Variants in IQCH observed in about 807,000 individuals in gnomAD.
The protein encoded by IQCH is IQ domain-containing protein H.
Under a neutral mutation model 117.0 loss-of-function variants are expected in IQCH, and 98 were observed. The observed-to-expected ratio is 0.84, with a 90% CI of 0.71 to 0.99. IQCH has a LOEUF of 0.99. IQCH is among the 50% of genes least tolerant of loss of function. The pLI is 0.00. For synonymous variants in IQCH, 412 were observed against 448.2 expected (o/e 0.92, Z 1.02); for missense variants, 1,102 against 1,243.8 (o/e 0.89, Z 1.72).
intron 5 of IQCH, among the ~76,000 whole-genome samples, chr15:67,341,651 T>C (rs1283429825): frequency 1.3e-5 from 2 of 152,194 alleles, no homozygotes; most frequent in Non-Finnish European, 2.9e-5. Context: ...AGGATGATTT[T>C]TTTTAAAAGT....
chr15:67,484,494 G>C (rs1287675447), intron 18 of IQCH, among the ~76,000 whole-genome samples: 1 of 151,158 alleles, frequency 6.6e-6, no homozygotes, highest in Non-Finnish European at 1.5e-5. Context: ...ACTTTGGGAG[G>C]CCAAGGCAGG....
At chr15:67,290,705 T>C (rs1258467127) in intron 4 of IQCH, among the ~76,000 whole-genome samples, 1 of 152,204 alleles carries the variant, frequency 6.6e-6, no homozygotes, top group Admixed American at 6.5e-5. Context: ...GAGATTTTAT[T>C]TTGTAATTTT....
chr15:67,303,647 G>A (rs1015177240), intron 4 of IQCH, among the ~76,000 whole-genome samples: 1 of 152,090 alleles, frequency 6.6e-6, no homozygotes, highest in African/African-American at 2.4e-5. Context: ...CACAGCAGTC[G>A]AGAGGAGAGC....
intron 4 of IQCH, among the ~76,000 whole-genome samples, chr15:67,296,359 G>T (rs536541743): frequency 6.6e-6 from 1 of 152,148 alleles, no homozygotes; most frequent in Non-Finnish European, 1.5e-5. Flanking sequence ...TGGAGAGAGC[G>T]TGTTGTATGT....
chr15:67,402,583 T>C (rs1216784440), intron 14 of IQCH, among the ~76,000 whole-genome samples: 2 of 152,206 alleles, frequency 1.3e-5, no homozygotes, highest in Non-Finnish European at 2.9e-5. Flanking sequence ...CTTTTGATAA[T>C]GAAGATGTTG....
chr15:67,438,936 TAGAC>T (rs1480187188), intron 16 of IQCH, among the ~76,000 whole-genome samples: 1 of 152,176 alleles, frequency 6.6e-6, no homozygotes, highest in Non-Finnish European at 1.5e-5. Context: ...AGAAATAAGA[TAGAC>T]AGCAAAGCAA....
intron 5 of IQCH, 37 bp from the exon 6 acceptor site, chr15:67,344,026 G>A: frequency 1.3e-6 from 2 of 1,586,564 alleles, no homozygotes; most frequent in Non-Finnish European, 1.7e-6. Flanking sequence ...GGAATTGCTT[G>A]GAATTAAACT....
intron 8 of IQCH, among the ~76,000 whole-genome samples, chr15:67,371,120 C>T (rs558449712): frequency 6.6e-6 from 1 of 152,220 alleles, no homozygotes; most frequent in East Asian, 1.9e-4. Context: ...ACAATTATTA[C>T]AGTAAGTTAA....
At chr15:67,346,606 C>G (rs939927529) in intron 6 of IQCH, among the ~76,000 whole-genome samples, 14 of 152,160 alleles carry the variant, frequency 9.2e-5, no homozygotes, top group Non-Finnish European at 1.8e-4. Context: ...CCACTTGCCT[C>G]CTGTTGTGTA....
At chr15:67,324,828 G>A (rs1007430548) in intron 4 of IQCH, among the ~76,000 whole-genome samples, 1 of 151,900 alleles carries the variant, frequency 6.6e-6, no homozygotes, top group African/African-American at 2.4e-5. Flanking sequence ...TTTTCTGGCT[G>A]CTTTCAAGAT....
chr15:67,268,400 AG>A (rs1476218315), intron 3 of IQCH, among the ~76,000 whole-genome samples: 1 of 152,198 alleles, frequency 6.6e-6, no homozygotes, highest in Non-Finnish European at 1.5e-5. Context: ...TTTATGTCAA[AG>A]GATAGTTCCT....
chr15:67,493,169 A>T lies in IQCH; in HGVS notation c.2862-1089A>T, dbSNP rs569859340. Reference sequence around the variant, plus strand: ...TTTCTACTGTTTTCTGCCCATCTTAATCTCATCCCTAACTGCAGTCATAGA... The same window carrying T: ...TTTCTACTGTTTTCTGCCCATCTTATTCTCATCCCTAACTGCAGTCATAGA... On this transcript the variant is annotated intron_variant, in intron 19 of 20. Coordinates refer to ENST00000335894, the MANE Select transcript of IQCH (RefSeq NM_001031715.3). This position sits in a 1 kb window ranked among gnomAD's most constrained non-coding sequence, Gnocchi z 5.1. 5.1e-4 allele frequency among the ~76,000 whole-genome samples: 78 copies of T among 152,256 alleles called. No homozygotes were observed. Among genetic ancestry groups the T allele is most frequent in the African/African-American group, 1.8e-3 (75 of 41,546 alleles).
intron 18 of IQCH, among the ~76,000 whole-genome samples, chr15:67,482,232 G>T (rs184285156): frequency 6.6e-6 from 1 of 151,926 alleles, no homozygotes. Context: ...TCCCACCAAA[G>T]GATAGGGGCC....
intron 4 of IQCH, among the ~76,000 whole-genome samples, chr15:67,300,277 C>T (rs906530645): frequency 6.6e-6 from 1 of 151,978 alleles, no homozygotes; most frequent in African/African-American, 2.4e-5. Flanking sequence ...ATTTTGGGGC[C>T]AGTGGGAGCC....
chr15:67,467,743 G>T lies in IQCH; in HGVS notation c.2676+2446G>T, dbSNP rs746719258. Reference sequence around the variant, plus strand: ...ACAAGTGTGAACAGACTATGATGCCGTCAAGTTTATGATCAGGCAGTTGAC... The same window carrying T: ...ACAAGTGTGAACAGACTATGATGCCTTCAAGTTTATGATCAGGCAGTTGAC... On this transcript the variant is annotated intron_variant, in intron 17 of 20. Transcript: ENST00000335894. The surrounding 1 kb of genome is among the most constrained non-coding windows in gnomAD (Gnocchi z 5.7). Among the ~76,000 whole-genome samples the T allele has an allele frequency of 6.6e-6, 1 of 152,190 alleles. No homozygotes were observed. The highest frequency in any genetic ancestry group is 2.4e-5 in the African/African-American group (1 of 41,458).
At chr15:67,329,872 A>ATGTG (rs145137972) in intron 4 of IQCH, among the ~76,000 whole-genome samples, 1 of 151,670 alleles carries the variant, frequency 6.6e-6, no homozygotes. Context: ...TGAATTATAT[A>ATGTG]TGTGTGTGTG....
chr15:67,490,352 C>T lies in IQCH; in HGVS notation c.2861+288C>T, dbSNP rs1467660909. The stretch of plus-strand genomic sequence containing the variant: ...TCCCAAGTAGCTGGGATTACAGGTG[C>T]GTGCCACCATGCCCAGCTAATTTTT... On this transcript the variant is annotated intron_variant, in intron 19 of 20. Transcript: ENST00000335894. This position sits in a 1 kb window ranked among gnomAD's most constrained non-coding sequence, Gnocchi z 4.9. Among the ~76,000 whole-genome samples the T allele has an allele frequency of 2.0e-5, 3 of 152,016 alleles. No homozygotes were observed. The highest frequency in any genetic ancestry group is 4.4e-5 in the Non-Finnish European group (3 of 67,992).
chr15:67,285,688 G>A lies in IQCH; in HGVS notation c.387+6176G>A, dbSNP rs1447092997. On this transcript the variant is annotated intron_variant, in intron 4 of 20. Transcript: ENST00000335894. ...TGCATATGGCTAACCAGTTATCCCA[G>A]CATCATTTATTGAATAGGGAATCCT... Among the ~76,000 whole-genome samples the A allele has an allele frequency of 2.0e-5, 3 of 152,124 alleles. No homozygotes were observed. The East Asian group carries it at 5.8e-4, about 29-fold the overall frequency.
chr15:67,323,527 C>A (rs1291799750), intron 4 of IQCH, among the ~76,000 whole-genome samples: 1 of 152,122 alleles, frequency 6.6e-6, no homozygotes, highest in East Asian at 1.9e-4. Context: ...CAGGTGTGAG[C>A]CACCGTGCCC....
Sources: gnomAD v4.1 joint callset for allele counts (sites outside exome capture counted in the v4.1 genomes callset) on GRCh38, gnomAD v4.1.1 for gene constraint, Gnocchi (gnomAD v3.1) non-coding constraint, MANE v1.5 for transcripts, NCBI Gene and HGNC (gene_info 2026-07-23, HGNC 2026-07-21) for gene names.